Variants in YWHAZ observed in about 807,000 individuals in gnomAD.
YWHAZ encodes the protein tyrosine 3-monooxygenase/tryptophan 5-monooxygenase activation protein zeta.
For missense variants in YWHAZ, 79 were observed against 284.8 expected, an observed-to-expected ratio of 0.28 and a Z score of 5.20; for synonymous variants, 87 against 103.6, an observed-to-expected ratio of 0.84 and a Z score of 0.97.
rs573042325 is a variant in YWHAZ, at chr8:100,932,226, G to C, written c.295-7187C>G. 3.3e-5 allele frequency: 5 copies of C among 152,336 alleles called. No individual in the cohort carries two copies. The South Asian group carries it at 1.0e-3, about 32-fold the overall frequency. The allele number at this position is 152,336 out of a possible 1,614,324, so 9.4% of individuals were successfully genotyped here. ...ACAAAGAAGTGCTGCCATCCTTTTGGAAGGTGAAAGTCTAGTGTCAACCAC... is the reference window on the plus strand; with the variant it reads ...ACAAAGAAGTGCTGCCATCCTTTTGCAAGGTGAAAGTCTAGTGTCAACCAC... On this transcript the variant is annotated intron_variant, in intron 2 of 5. Coordinates refer to ENST00000395958, the MANE Select transcript of YWHAZ (RefSeq NM_145690.3).
chr8:100,944,558 A>T (rs1303481419), intron 2 of YWHAZ, among the ~76,000 whole-genome samples: 1 of 152,230 alleles, frequency 6.6e-6, no homozygotes, highest in African/African-American at 2.4e-5. Flanking sequence ...AGTGGATTTT[A>T]AATTTTAAAA....
rs1413649513 is a variant in YWHAZ, at chr8:100,918,407, TTTATATATATATATA to T, written c.*2271_*2285del. Reference sequence around the variant, plus strand: ...CAGTCTAGCTATAAAATATAATTACTTTATATATATATATATATATATATATATATATATATAATT... The same window carrying T: ...CAGTCTAGCTATAAAATATAATTACTTATATATATATATATATATATAATT... On this transcript the variant is annotated 3_prime_UTR_variant, in exon 6 of 6. Coordinates refer to ENST00000395958, the MANE Select transcript of YWHAZ (RefSeq NM_145690.3). The T allele has an allele frequency of 7.3e-5, 5 of 68,606 alleles. No homozygotes were observed. Among genetic ancestry groups the T allele is most frequent in the African/African-American group, 2.8e-4 (5 of 17,736 alleles). The allele number at this position is 68,606 out of a possible 1,614,324, so 4.2% of individuals were successfully genotyped here. A position where few individuals can be genotyped will look rare whatever the true frequency, so the allele number is the denominator to read the frequency against.
At chr8:100,953,042 C>G, upstream of YWHAZ, 3 of 999,252 alleles carry the variant, frequency 3.0e-6, no homozygotes, top group South Asian at 4.7e-5. Flanking sequence ...CGGGCGGAGC[C>G]GGCAGGAGGT....
intron 2 of YWHAZ, among the ~76,000 whole-genome samples, chr8:100,928,600 G>A (rs1438767808): frequency 6.6e-6 from 1 of 151,942 alleles, no homozygotes; most frequent in Non-Finnish European, 1.5e-5. Context: ...AGGCGTGGTG[G>A]CACACGCCTG....
intron 2 of YWHAZ, among the ~76,000 whole-genome samples, chr8:100,937,653 G>C (rs1411822965): frequency 6.6e-6 from 1 of 152,176 alleles, no homozygotes; most frequent in Non-Finnish European, 1.5e-5. Context: ...TTCTGTTTTA[G>C]ATTGTACTGT....
chr8:100,923,142 C>T (rs1262316031), intron 5 of YWHAZ: 1 of 152,028 alleles, frequency 6.6e-6, no homozygotes, highest in Admixed American at 6.6e-5. Flanking sequence ...TACATAGTCC[C>T]CAAGAGAAAT....
chr8:100,940,004 C>G (rs1457906125), intron 2 of YWHAZ, among the ~76,000 whole-genome samples: 1 of 140,326 alleles, frequency 7.1e-6, no homozygotes, highest in Non-Finnish European at 1.5e-5. Flanking sequence ...GCCTGGGGGA[C>G]AGAGCGAGAC....
At chr8:100,936,701 T>G (rs1302063972) in intron 2 of YWHAZ, among the ~76,000 whole-genome samples, 1 of 152,088 alleles carries the variant, frequency 6.6e-6, no homozygotes, top group East Asian at 1.9e-4. Context: ...CTGGGGAGGC[T>G]GAGGCAGGTG....
upstream of YWHAZ, chr8:100,952,699 GC>G (rs1191729610): frequency 5.8e-5 from 45 of 779,540 alleles, no homozygotes; most frequent in Non-Finnish European, 6.7e-5. Context: ...CGGGGCGGGG[GC>G]CCCGGGGCGG....
At position 100,948,945 on chromosome 8, in the gene YWHAZ, A is replaced by G; in HGVS notation, c.-11-45T>C. 1 of 1,528,738 alleles carries G rather than the reference A, an allele frequency of 6.5e-7. No homozygotes were observed. The highest frequency in any genetic ancestry group is 8.7e-7 in the Non-Finnish European group (1 of 1,148,436). The allele number at this position is 1,528,738 out of a possible 1,614,324, so 94.7% of individuals were successfully genotyped here. A position where few individuals can be genotyped will look rare whatever the true frequency, so the allele number is the denominator to read the frequency against. On this transcript the variant is annotated intron_variant, in intron 1 of 5. Coordinates refer to ENST00000395958, the MANE Select transcript of YWHAZ (RefSeq NM_145690.3). The surrounding 1 kb of genome is among the most constrained non-coding windows in gnomAD (Gnocchi z 4.2). ...AGTATTTAAAATTTTTCCCATCAAA[A>G]TAAACAGACTCAAAATTATACCTGT...
At position 100,922,965 on chromosome 8, in the gene YWHAZ, T is replaced by C. The variant is rs187742873; in HGVS notation, c.678+990A>G. 3.9e-5 allele frequency: 6 copies of C among 152,354 alleles called. No homozygotes were observed. The highest frequency in any genetic ancestry group is 1.3e-4 in the Admixed American group (2 of 15,296). 9.4% of individuals were successfully genotyped at this position (152,354 alleles called of 1,614,324 possible). On this transcript the variant is annotated intron_variant, in intron 5 of 5. Transcript: ENST00000395958. The surrounding 1 kb of genome is among the most constrained non-coding windows in gnomAD (Gnocchi z 4.1). ...TTGACTCAAGTATCAGAAAAGTTTA[T>C]AGATAGCTCCAAATTGTGCTAATAA...
intron 2 of YWHAZ, among the ~76,000 whole-genome samples, chr8:100,929,780 C>A (rs1813632740): frequency 6.6e-6 from 1 of 151,286 alleles, no homozygotes; most frequent in East Asian, 1.9e-4. Flanking sequence ...GATTTGGAAG[C>A]CAGAAGATAA....
chr8:100,931,205 T>G (rs1813736851), intron 2 of YWHAZ, among the ~76,000 whole-genome samples: 1 of 152,250 alleles, frequency 6.6e-6, no homozygotes, highest in African/African-American at 2.4e-5. Context: ...ATAGTCTATA[T>G]TTACAATGAT....
At chr8:100,940,567 T>A (rs1422116485) in intron 2 of YWHAZ, among the ~76,000 whole-genome samples, 1 of 152,218 alleles carries the variant, frequency 6.6e-6, no homozygotes, top group African/African-American at 2.4e-5. Flanking sequence ...AAATATTAAA[T>A]AAAAAATTTC....
intron 2 of YWHAZ, among the ~76,000 whole-genome samples, chr8:100,926,519 T>G (rs1813373714): frequency 6.6e-6 from 1 of 152,164 alleles, no homozygotes; most frequent in Non-Finnish European, 1.5e-5. Context: ...TAATCCCAGC[T>G]GAGGCAGGAG....
Position 100,951,942 on chromosome 8 carries a change from G to GGGT in YWHAZ, c.-28_-26dup. On this transcript the variant is annotated 5_prime_UTR_variant, in exon 1 of 6. Transcript: ENST00000395958. ...CGGGTTCCTCACCTGTGTCCGGAGT[G>GGGT]GGTGGTGGCGGCGGACGGACGGGCT... 1 of 1,000,742 alleles carries GGGT rather than the reference G, an allele frequency of 1.0e-6. No individual in the cohort carries two copies. The highest frequency in any genetic ancestry group is 1.2e-6 in the Non-Finnish European group (1 of 840,522). The allele number at this position is 1,000,742 out of a possible 1,614,324, so 62.0% of individuals were successfully genotyped here. A position where few individuals can be genotyped will look rare whatever the true frequency, so the allele number is the denominator to read the frequency against.
intron 1 of YWHAZ, chr8:100,950,647 G>A: frequency 2.3e-6 from 2 of 856,118 alleles, no homozygotes; most frequent in Non-Finnish European, 2.8e-6. Context: ...CCGCGCCCCC[G>A]CCCAAGCCGT....
upstream of YWHAZ, chr8:100,952,373 C>T (rs1012162313): frequency 2.5e-5 from 4 of 159,062 alleles, no homozygotes; most frequent in African/African-American, 4.8e-5. Flanking sequence ...CTCGCCTTCC[C>T]TTTGGGTCCC....
At chr8:100,923,469 CTG>C (rs1161098798) in intron 5 of YWHAZ, 1 of 152,542 alleles carries the variant, frequency 6.6e-6, no homozygotes, top group East Asian at 1.9e-4. Flanking sequence ...GATAGTGACA[CTG>C]TTTCTTTTTA....
Sources: allele counts gnomAD v4.1 joint callset (sites outside exome capture counted in the v4.1 genomes callset), GRCh38; gene constraint gnomAD v4.1.1; non-coding constraint Gnocchi (gnomAD v3.1); transcripts MANE v1.5; gene names NCBI Gene and HGNC (gene_info 2026-07-23, HGNC 2026-07-21).